Variants in A4GALT observed in about 807,000 individuals in gnomAD.
The protein encoded by A4GALT is lactosylceramide 4-alpha-galactosyltransferase.
For synonymous variants in A4GALT, 257 were observed against 220.7 expected (o/e 1.16, Z -1.46); for missense variants, 512 against 486.0 (o/e 1.05, Z -0.50).
At chr22:42,696,543 C>A (rs1161474576) in intron 1 of A4GALT, among the ~76,000 whole-genome samples, 1 of 152,062 alleles carries the variant, frequency 6.6e-6, no homozygotes, top group Admixed American at 6.5e-5. Context: ...GTGGTGGCTC[C>A]AGACCTCTGC....
rs1945940698 is a variant in A4GALT, at chr22:42,692,547, C to T, written c.*343G>A. The T allele has an allele frequency of 6.6e-6, 3 of 454,332 alleles. No individual in the cohort carries two copies. The highest frequency in any genetic ancestry group is 5.3e-5 in the South Asian group (3 of 56,152). 28.1% of individuals were successfully genotyped at this position (454,332 alleles called of 1,614,324 possible). A position where few individuals can be genotyped will look rare whatever the true frequency, so the allele number is the denominator to read the frequency against. ...TCTTCCCCATCCCCTTAGCACCGGC[C>T]TCTGCCCTCGTGGGCACCTCTGTCC... On this transcript the variant is annotated 3_prime_UTR_variant, in exon 3 of 3. Coordinates refer to ENST00000642412, the MANE Select transcript of A4GALT (RefSeq NM_017436.7). The surrounding 1 kb of genome is among the most constrained non-coding windows in gnomAD (Gnocchi z 4.6).
chr22:42,719,092 C>A (rs1922457418), intron 1 of A4GALT, among the ~76,000 whole-genome samples: 1 of 152,206 alleles, frequency 6.6e-6, no homozygotes, highest in Non-Finnish European at 1.5e-5. Flanking sequence ...TTCTGCCAAT[C>A]CTGCTCCACA....
intron 1 of A4GALT, among the ~76,000 whole-genome samples, chr22:42,706,137 C>CG (rs1921079816): frequency 1.2e-5 from 1 of 85,452 alleles, no homozygotes. Flanking sequence ...GGGCGGATCA[C>CG]GAGGTCAGGA....
At position 42,709,067 on chromosome 22, in the gene A4GALT, A is replaced by ATATATATATATATTTTT. The variant is rs1180529043; in HGVS notation, c.-188+11729_-188+11730insAAAAATATATATATATA. Among the ~76,000 whole-genome samples the ATATATATATATATTTTT allele has an allele frequency of 5.2e-3, 670 of 128,678 alleles. 5 individuals carry two copies. Among genetic ancestry groups the ATATATATATATATTTTT allele is most frequent in the Non-Finnish European group, 8.7e-3 (520 of 59,678 alleles). The allele number at this position is 128,678 out of a possible 152,430, so 84.4% of individuals were successfully genotyped here. A position where few individuals can be genotyped will look rare whatever the true frequency, so the allele number is the denominator to read the frequency against. Reference sequence around the variant, plus strand: ...AATTTAAATATATATATATATATATATTTTTTTTAAGACAGGGTCTGCTGT... The same window carrying ATATATATATATATTTTT: ...AATTTAAATATATATATATATATATATATATATATATATTTTTTTTTTTTTAAGACAGGGTCTGCTGT... On this transcript the variant is annotated intron_variant, in intron 1 of 2. Coordinates refer to ENST00000642412, the MANE Select transcript of A4GALT (RefSeq NM_017436.7).
rs1175250652 is a variant in A4GALT, at chr22:42,696,445, A to AAAAAGGAAAC, written c.-187-824_-187-815dup. ...CAAAAAGGAAAAAAAAAAAAAAAGA[A>AAAAAGGAAAC]AAAAGGAAACAGACAAAGATGGTGA... On this transcript the variant is annotated intron_variant, in intron 1 of 2. Coordinates refer to ENST00000642412, the MANE Select transcript of A4GALT (RefSeq NM_017436.7). 3.8e-3 allele frequency among the ~76,000 whole-genome samples: 564 copies of AAAAAGGAAAC among 147,250 alleles called. 1 individual carries two copies. The highest frequency in any genetic ancestry group is 0.013 in the African/African-American group (531 of 40,608).
In A4GALT at chr22:42,693,469, G is replaced by A. The variant is rs778577677; in HGVS notation, c.483C>T (p.Ala161=). The part of the protein sequence containing the change: ...RDTPLADWYA[A]VQGRWEPYLL... ...GGTAGGGCTCCCAGCGCCCCTGCAC[G>A]GCCGCGTACCAGTCGGCCAGGGGTG... The change falls in exon 3 of 3, where the codon GCC becomes GCT. Residue 161 remains alanine, a synonymous_variant. Transcript: ENST00000642412. 2.5e-6 allele frequency: 4 copies of A among 1,613,146 alleles called. No homozygotes were observed. Among genetic ancestry groups the A allele is most frequent in the Non-Finnish European group, 2.5e-6 (3 of 1,179,956 alleles).
rs570445163 is a variant in A4GALT at position 42,703,084 on chromosome 22, T to A, written c.-187-7453A>T. Among the ~76,000 whole-genome samples, 261 of 131,290 alleles carry A rather than the reference T, an allele frequency of 2.0e-3. 2 individuals are homozygous for A. Among genetic ancestry groups the A allele is most frequent in the East Asian group, 4.3e-3 (21 of 4,930 alleles). The allele number at this position is 131,290 out of a possible 152,430, so 86.1% of individuals were successfully genotyped here. ...GTGTGTGTGTGTGTGTGTGTGTGTGTGAGAGAGAGCATGCTGCCCCACTGT... is the reference window on the plus strand; with the variant it reads ...GTGTGTGTGTGTGTGTGTGTGTGTGAGAGAGAGAGCATGCTGCCCCACTGT... On this transcript the variant is annotated intron_variant, in intron 1 of 2. Transcript: ENST00000642412.
chr22:42,699,095 C>CT (rs58488248), intron 1 of A4GALT, among the ~76,000 whole-genome samples: 38,474 of 149,342 alleles, frequency 0.26, 5,846 homozygotes, highest in South Asian at 0.39. Context: ...CCTTTACCTT[C>CT]TTTTTTTTTT....
At chr22:42,711,561 T>C (rs759291364) in intron 1 of A4GALT, among the ~76,000 whole-genome samples, 3 of 152,200 alleles carry the variant, frequency 2.0e-5, no homozygotes, top group Non-Finnish European at 2.9e-5. Flanking sequence ...CTGTTTTTAC[T>C]CAGTCATCTC....
intron 1 of A4GALT, among the ~76,000 whole-genome samples, chr22:42,716,992 C>G (rs1447746082): frequency 1.3e-5 from 2 of 152,176 alleles, no homozygotes; most frequent in African/African-American, 4.8e-5. Context: ...CCGCAGAAGG[C>G]TGTGGTGCTC....
At chr22:42,713,606 G>C (rs550390195) in intron 1 of A4GALT, among the ~76,000 whole-genome samples, 20 of 150,650 alleles carry the variant, frequency 1.3e-4, no homozygotes, top group South Asian at 1.1e-3. Context: ...GAGGTTAGGA[G>C]TTCGAGACCA....
At chr22:42,710,600 G>T (rs1054521327) in intron 1 of A4GALT, among the ~76,000 whole-genome samples, 1 of 152,088 alleles carries the variant, frequency 6.6e-6, no homozygotes, top group Non-Finnish European at 1.5e-5. Flanking sequence ...GAGAGGCTGA[G>T]GTGGGAGGAT....
At chr22:42,716,739 G>A (rs764150139) in intron 1 of A4GALT, among the ~76,000 whole-genome samples, 9 of 152,184 alleles carry the variant, frequency 5.9e-5, no homozygotes, top group Non-Finnish European at 1.0e-4. Context: ...GGGAATAACA[G>A]AGCATGGTGG....
At chr22:42,699,368 T>A (rs4822186) in intron 1 of A4GALT, among the ~76,000 whole-genome samples, 136,763 of 152,198 alleles carry the variant, frequency 0.9, 61,496 homozygotes, top group East Asian at 1. Context: ...TACAGGCATG[T>A]GACACTGCGC....
intron 1 of A4GALT, among the ~76,000 whole-genome samples, chr22:42,717,765 C>G (rs1386109343): frequency 6.6e-6 from 1 of 152,148 alleles, no homozygotes; most frequent in African/African-American, 2.4e-5. Flanking sequence ...CACACACACA[C>G]CCACGCACGC....
At chr22:42,713,221 C>T (rs1921847873) in intron 1 of A4GALT, among the ~76,000 whole-genome samples, 1 of 152,208 alleles carries the variant, frequency 6.6e-6, no homozygotes, top group South Asian at 2.1e-4. Flanking sequence ...CTTAGAGCGG[C>T]TCCATGCCAC....
intron 1 of A4GALT, among the ~76,000 whole-genome samples, chr22:42,717,729 A>C (rs1186614208): frequency 6.6e-6 from 1 of 152,046 alleles, no homozygotes; most frequent in Non-Finnish European, 1.5e-5. Context: ...GCTCCTCTCT[A>C]TCTCTCTGTC....
intron 1 of A4GALT, among the ~76,000 whole-genome samples, chr22:42,696,864 G>A (rs1930972184): frequency 6.6e-6 from 1 of 151,148 alleles, no homozygotes; most frequent in African/African-American, 2.4e-5. Context: ...TAGGGCCTTG[G>A]CACCTGCTGT....
chr22:42,713,628 C>A (rs961231152), intron 1 of A4GALT, among the ~76,000 whole-genome samples: 3 of 149,858 alleles, frequency 2.0e-5, no homozygotes, highest in African/African-American at 7.4e-5. Flanking sequence ...CCTGGCCAAT[C>A]TGGCAAAACC....
Sources: allele counts gnomAD v4.1 joint callset (sites outside exome capture counted in the v4.1 genomes callset), GRCh38; gene constraint gnomAD v4.1.1; non-coding constraint Gnocchi (gnomAD v3.1); transcripts MANE v1.5; gene names NCBI Gene and HGNC (gene_info 2026-07-23, HGNC 2026-07-21).